Variants in RPGRIP1L observed in about 807,000 individuals in gnomAD.
RPGRIP1L encodes RPGRIP1 like.
In RPGRIP1L, 131 loss-of-function variants were observed where a neutral mutation model predicts 160.4. The observed-to-expected ratio is 0.82, with a 90% CI of 0.71 to 0.94. RPGRIP1L has a LOEUF of 0.94. Among genes scored for constraint, RPGRIP1L ranks in the 40% least tolerant of loss-of-function variants. The probability of loss-of-function intolerance (pLI) is 0.00; values close to 1 mark genes in which losing one functional copy is unlikely to be tolerated. For missense variants in RPGRIP1L, 1,522 were observed against 1,535.8 expected (o/e 0.99, Z 0.15); for synonymous variants, 510 against 515.8 (o/e 0.99, Z 0.15).
chr16:53,696,312 ATAAT>A lies in RPGRIP1L; in HGVS notation c.86-21_86-18del. 6.2e-7 allele frequency: 1 copy of A among 1,613,478 alleles called. No individual in the cohort carries two copies. The highest frequency in any genetic ancestry group is 8.5e-7 in the Non-Finnish European group (1 of 1,179,522). On this transcript the variant is annotated intron_variant, in intron 2 of 26. Transcript: ENST00000647211. ...TTGAAGTTTCTGCAAAAATGCCAAG[ATAAT>A]TAATTGTGAGGTTACTTAAAATAGT...
chr16:53,602,774 A>AT (rs1242331399), intron 26 of RPGRIP1L, among the ~76,000 whole-genome samples: 5 of 115,374 alleles, frequency 4.3e-5, no homozygotes, highest in African/African-American at 2.6e-4. Flanking sequence ...GACTCCTCAA[A>AT]GAAAAAAAAA....
intron 9 of RPGRIP1L, among the ~76,000 whole-genome samples, chr16:53,668,401 A>G (rs891217552): frequency 6.6e-6 from 1 of 152,194 alleles, no homozygotes; most frequent in Non-Finnish European, 1.5e-5. Flanking sequence ...CTTAAAAACT[A>G]GATGAATACC....
rs1170810307 is a variant in RPGRIP1L at position 53,619,159 on chromosome 16, G to A, written c.3482C>T (p.Ser1161Phe). ...IEIIALSLND[S>F]QVTMDDTIQR... ...GATAGTGTCATCCATGGTTACTTGA[G>A]AATCATTAAGGCTTAGAGCTATGAT... Residue 1161 changes from serine (S) to phenylalanine (F), a missense_variant, in exon 24 of 27, where the codon TCT (serine) becomes TTT (phenylalanine). Ser to Phe is a radical substitution (Grantham distance 155). Coordinates refer to ENST00000647211, the MANE Select transcript of RPGRIP1L (RefSeq NM_015272.5). The A allele has an allele frequency of 6.2e-7, 1 of 1,613,914 alleles. No homozygotes were observed. Among genetic ancestry groups the A allele is most frequent in the Non-Finnish European group, 8.5e-7 (1 of 1,179,994 alleles).
In RPGRIP1L at chr16:53,645,797, CTG is replaced by C; in HGVS notation, c.2509_2510del (p.Gln837ValfsTer2). On this transcript the variant is annotated frameshift_variant, in exon 17 of 27. Transcript: ENST00000647211. LOFTEE classifies it high-confidence loss of function. ...TAIIPSSNDP[Q>X]FDDHMYFPVP... The stretch of plus-strand genomic sequence containing the variant: ...CTGGGAAATACATATGATCATCAAA[CTG>C]TGGATCATTGCTACTGGGAATGATA... 1 of 1,614,070 alleles carries C rather than the reference CTG, an allele frequency of 6.2e-7. No individual in the cohort carries two copies. Among genetic ancestry groups the C allele is most frequent in the Non-Finnish European group, 8.5e-7 (1 of 1,179,950 alleles).
chr16:53,641,557 A>G (rs1170094932), intron 17 of RPGRIP1L, 82 bp from the exon 18 acceptor site: 5 of 1,177,370 alleles, frequency 4.2e-6, no homozygotes, highest in Non-Finnish European at 5.0e-6. Context: ...ACTACTCCCT[A>G]CTTTAAGAGA....
Position 53,656,602 on chromosome 16 carries a change from G to T in RPGRIP1L, c.1582-13C>A, listed in dbSNP as rs778421889. Reference sequence around the variant, plus strand: ...CCTCAACCTCCATCTACAAAATAAGGGAAAATAAGTTTTAATACTTATGAT... The same window carrying T: ...CCTCAACCTCCATCTACAAAATAAGTGAAAATAAGTTTTAATACTTATGAT... On this transcript the variant is annotated splice_polypyrimidine_tract_variant and intron_variant, in intron 13 of 26. Coordinates refer to ENST00000647211, the MANE Select transcript of RPGRIP1L (RefSeq NM_015272.5). 2.6e-6 allele frequency: 4 copies of T among 1,552,028 alleles called. No individual in the cohort carries two copies. In the South Asian group the frequency reaches 4.4e-5, roughly 17 times the overall value.
intron 6 of RPGRIP1L, among the ~76,000 whole-genome samples, chr16:53,680,519 C>A (rs1969522630): frequency 6.6e-6 from 1 of 151,906 alleles, no homozygotes; most frequent in Admixed American, 6.6e-5. Flanking sequence ...ACACGTGACC[C>A]TCGACTGGAT....
rs944728645 is a variant in RPGRIP1L at position 53,684,306 on chromosome 16, T to C, written c.776+2127A>G. Among the ~76,000 whole-genome samples the C allele has an allele frequency of 1.1e-3, 170 of 152,226 alleles. 1 individual carries two copies. Among genetic ancestry groups the C allele is most frequent in the African/African-American group, 3.4e-3 (141 of 41,534 alleles). The stretch of plus-strand genomic sequence containing the variant: ...GACACATGCACACGTATGTTTATTG[T>C]GGCACTATTCACAATAGCAAAGACT... On this transcript the variant is annotated intron_variant, in intron 6 of 26. Transcript: ENST00000647211.
intron 10 of RPGRIP1L, among the ~76,000 whole-genome samples, chr16:53,661,459 G>A (rs1967790486): frequency 6.6e-6 from 1 of 152,134 alleles, no homozygotes; most frequent in African/African-American, 2.4e-5. Flanking sequence ...GTGGGACTCT[G>A]TATGTTGATT....
chr16:53,687,261 T>C (rs928853990), intron 5 of RPGRIP1L, among the ~76,000 whole-genome samples: 1 of 152,174 alleles, frequency 6.6e-6, no homozygotes, highest in African/African-American at 2.4e-5. Flanking sequence ...TACTTTTTGA[T>C]GATCCAGGTG....
intron 24 of RPGRIP1L, among the ~76,000 whole-genome samples, chr16:53,613,941 C>A (rs922288632): frequency 2.6e-5 from 4 of 152,210 alleles, no homozygotes; most frequent in Non-Finnish European, 1.5e-5. Flanking sequence ...TTGAATCCAG[C>A]AATGTTAGCC....
intron 4 of RPGRIP1L, among the ~76,000 whole-genome samples, chr16:53,689,806 C>T: frequency 6.6e-6 from 1 of 152,162 alleles, no homozygotes; most frequent in East Asian, 1.9e-4. Context: ...AAGTATTCAT[C>T]ACTACTTAAT....
intron 13 of RPGRIP1L, among the ~76,000 whole-genome samples, chr16:53,656,981 C>T (rs1384218008): frequency 6.6e-6 from 1 of 152,120 alleles, no homozygotes; most frequent in Non-Finnish European, 1.5e-5. Context: ...GTGGCTCAGG[C>T]CTGTAATCCC....
At chr16:53,693,497 A>G (rs2151360920) in intron 3 of RPGRIP1L, 1 of 152,320 alleles carries the variant, frequency 6.6e-6, no homozygotes, top group African/African-American at 2.4e-5. Context: ...CACTCTGGCT[A>G]CTCGGCCTAC....
At chr16:53,698,641 G>A (rs1278796847) in intron 2 of RPGRIP1L, among the ~76,000 whole-genome samples, 14 of 141,230 alleles carry the variant, frequency 9.9e-5, no homozygotes, top group Non-Finnish European at 1.7e-4. Flanking sequence ...CCCTCTGCCC[G>A]GCCAGCCGCC....
At chr16:53,619,849 T>C (rs888588187) in intron 23 of RPGRIP1L, among the ~76,000 whole-genome samples, 4 of 152,196 alleles carry the variant, frequency 2.6e-5, no homozygotes, top group Admixed American at 1.3e-4. Flanking sequence ...AATTAACAAC[T>C]AAAATGGTGT....
At chr16:53,702,968 T>C (rs1444534554) in intron 1 of RPGRIP1L, among the ~76,000 whole-genome samples, 1 of 152,152 alleles carries the variant, frequency 6.6e-6, no homozygotes, top group Admixed American at 6.5e-5. Context: ...GAACCAACAT[T>C]AATATTTATT....
chr16:53,702,075 T>C (rs1468557983), intron 1 of RPGRIP1L, among the ~76,000 whole-genome samples: 3 of 151,988 alleles, frequency 2.0e-5, no homozygotes, highest in African/African-American at 4.8e-5. Context: ...AAAATAATAA[T>C]GATGATGATG....
chr16:53,603,491 G>T (rs1166931001), intron 26 of RPGRIP1L, among the ~76,000 whole-genome samples: 1 of 152,110 alleles, frequency 6.6e-6, no homozygotes, highest in Non-Finnish European at 1.5e-5. Context: ...ATCATGCCCA[G>T]CTAACTTATA....
Sources: gnomAD v4.1 joint callset for allele counts (sites outside exome capture counted in the v4.1 genomes callset) on GRCh38, gnomAD v4.1.1 for gene constraint, MANE v1.5 for transcripts, NCBI Gene and HGNC (gene_info 2026-07-23, HGNC 2026-07-21) for gene names.